The following GNPDA2 variants were observed in gnomAD, a reference collection of about 807,000 sequenced individuals.
GNPDA2 encodes the protein glcN6P deaminase 2.
A neutral mutation model predicts 27.0 loss-of-function variants in GNPDA2; 24 were observed. That is an observed-to-expected ratio of 0.89 (90% CI 0.64 to 1.25). The LOEUF is 1.25. GNPDA2 is among the 50% of genes most tolerant of loss of function. The pLI is 0.00. For missense variants in GNPDA2, 286 were observed against 335.1 expected, an observed-to-expected ratio of 0.85 and a Z score of 1.14; for synonymous variants, 94 against 108.4, an observed-to-expected ratio of 0.87 and a Z score of 0.83.
At chr4:44,709,790 T>C (rs1716854103) in intron 5 of GNPDA2, among the ~76,000 whole-genome samples, 1 of 131,114 alleles carries the variant, frequency 7.6e-6, no homozygotes, top group Admixed American at 8.3e-5. Flanking sequence ...CAGTGAGACC[T>C]TGTCACTTCC....
intron 2 of GNPDA2, among the ~76,000 whole-genome samples, chr4:44,720,106 G>A (rs1414142223): frequency 6.6e-6 from 1 of 152,090 alleles, no homozygotes; most frequent in East Asian, 1.9e-4. Flanking sequence ...TTTCAACAAA[G>A]AGGAAACTAA....
intron 6 of GNPDA2, chr4:44,704,290 A>G (rs1430312396): frequency 2.0e-6 from 2 of 983,226 alleles, no homozygotes; most frequent in African/African-American, 3.5e-5. Flanking sequence ...GACAACAAAG[A>G]TAAGGGTAAT....
In GNPDA2 at chr4:44,711,828, T is replaced by TATATATAC. The variant is rs1553878842; in HGVS notation, c.410-692_410-691insGTATATAT. On this transcript the variant is annotated intron_variant, in intron 4 of 6. Coordinates refer to ENST00000295448, the MANE Select transcript of GNPDA2 (RefSeq NM_138335.3). ...AATCTAGTATATATATATATATATATACACATATACAACACAAACATATAA... is the reference window on the plus strand; with the variant it reads ...AATCTAGTATATATATATATATATATATATATACACACATATACAACACAAACATATAA... Among the ~76,000 whole-genome samples, 164 of 148,388 alleles carry TATATATAC rather than the reference T, an allele frequency of 1.1e-3. 1 individual carries two copies. Among genetic ancestry groups the TATATATAC allele is most frequent in the Middle Eastern group, 7.0e-3 (2 of 284 alleles).
At chr4:44,704,162 TA>T in intron 6 of GNPDA2, 1 of 985,102 alleles carries the variant, frequency 1.0e-6, no homozygotes, top group Non-Finnish European at 1.2e-6. Flanking sequence ...GGAGAAATTC[TA>T]ACCATAAGAA....
At chr4:44,704,903 T>C (rs2109690350) in intron 6 of GNPDA2, 1 of 983,166 alleles carries the variant, frequency 1.0e-6, no homozygotes, top group South Asian at 4.7e-5. Flanking sequence ...AAATCAAAGC[T>C]GTTCTATTTA....
intron 4 of GNPDA2, among the ~76,000 whole-genome samples, chr4:44,712,045 T>C (rs1717013826): frequency 6.6e-6 from 1 of 152,042 alleles, no homozygotes; most frequent in Non-Finnish European, 1.5e-5. Context: ...TAGTGCCAAC[T>C]CTAATATTCT....
chr4:44,724,534 T>C (rs1717892969), intron 1 of GNPDA2, among the ~76,000 whole-genome samples: 1 of 151,874 alleles, frequency 6.6e-6, no homozygotes, highest in African/African-American at 2.4e-5. Context: ...CTGAACATTC[T>C]GTAATAATTC....
chr4:44,716,593 T>C (rs775217273), intron 4 of GNPDA2, among the ~76,000 whole-genome samples: 8 of 151,950 alleles, frequency 5.3e-5, no homozygotes, highest in African/African-American at 7.2e-5. Flanking sequence ...ATGACAATTA[T>C]ACAGCTTAAC....
chr4:44,704,932 C>G (rs78726684), intron 6 of GNPDA2: 1 of 983,492 alleles, frequency 1.0e-6, no homozygotes, highest in African/African-American at 1.8e-5. Flanking sequence ...AAATGAAAAG[C>G]GAGAATGAAT....
rs760459113 is a variant in GNPDA2 at position 44,711,115 on chromosome 4, G to T, written c.432C>A (p.Ile144=). Residue 144 remains isoleucine (I), a synonymous_variant, in exon 5 of 7, where the codon ATC becomes ATA. Transcript: ENST00000295448. ...AACTGGATCCAGGCTCATTGAAAGC[G>T]ATATGACCATCTGGACCAATTCCTT... ...FVGGIGPDGH[I]AFNEPGSSLV... 1.2e-6 allele frequency: 2 copies of T among 1,602,126 alleles called. No homozygotes were observed. Among genetic ancestry groups the T allele is most frequent in the East Asian group, 2.3e-5 (1 of 44,200 alleles).
chr4:44,706,406 A>C (rs1178146350), intron 6 of GNPDA2: 1 of 151,990 alleles, frequency 6.6e-6, no homozygotes, highest in Non-Finnish European at 1.5e-5. Flanking sequence ...GAAAATGCTC[A>C]TGAAACATAA....
chr4:44,715,073 A>G (rs1464351478), intron 4 of GNPDA2, among the ~76,000 whole-genome samples: 6 of 152,158 alleles, frequency 3.9e-5, no homozygotes, highest in Admixed American at 3.9e-4. Flanking sequence ...ATCTATTTCA[A>G]AAGGAGAACT....
chr4:44,726,061 G>C (rs1717996723), intron 1 of GNPDA2, among the ~76,000 whole-genome samples: 1 of 152,196 alleles, frequency 6.6e-6, no homozygotes, highest in African/African-American at 2.4e-5. Context: ...CCCGAGGAGG[G>C]ACGAGAGACA....
chr4:44,710,172 T>A (rs1442653629), intron 5 of GNPDA2, among the ~76,000 whole-genome samples: 1 of 152,158 alleles, frequency 6.6e-6, no homozygotes, highest in Non-Finnish European at 1.5e-5. Flanking sequence ...TACCTATGAT[T>A]TCTAGGTTTC....
At chr4:44,714,879 A>C (rs1328205256) in intron 4 of GNPDA2, among the ~76,000 whole-genome samples, 1 of 152,214 alleles carries the variant, frequency 6.6e-6, no homozygotes, top group Non-Finnish European at 1.5e-5. Flanking sequence ...CAGGCATTGG[A>C]TCATCCATGA....
chr4:44,703,348 T>C (rs1386416367), intron 6 of GNPDA2: 1 of 1,352,836 alleles, frequency 7.4e-7, no homozygotes, highest in Non-Finnish European at 9.5e-7. Flanking sequence ...TTTATAATTA[T>C]GTAACAGTGC....
chr4:44,704,034 G>T, intron 6 of GNPDA2: 1 of 985,270 alleles, frequency 1.0e-6, no homozygotes, highest in Non-Finnish European at 1.2e-6. Flanking sequence ...TAGGTTGCTT[G>T]TTAGTAAACA....
chr4:44,709,800 CA>C (rs36001584), intron 5 of GNPDA2, among the ~76,000 whole-genome samples: 76,703 of 145,276 alleles, frequency 0.53, 21,090 homozygotes, highest in Non-Finnish European at 0.63. Context: ...TTGTCACTTC[CA>C]AAAAAAAAAA....
At chr4:44,716,427 TTAGC>T (rs1001702527) in intron 4 of GNPDA2, among the ~76,000 whole-genome samples, 92 of 152,042 alleles carry the variant, frequency 6.1e-4, no homozygotes, top group African/African-American at 2.0e-3. Flanking sequence ...CTTATAGCAA[TTAGC>T]TAGCTGTCTG....
Sources: gnomAD v4.1 joint callset for allele counts (sites outside exome capture counted in the v4.1 genomes callset) on GRCh38, gnomAD v4.1.1 for gene constraint, MANE v1.5 for transcripts, NCBI Gene and HGNC (gene_info 2026-07-23, HGNC 2026-07-21) for gene names.